DLGAP1: variants seen among roughly 807,000 people sequenced by gnomAD.
DLGAP1 encodes the protein DLG associated protein 1.
Under a neutral mutation model 90.8 loss-of-function variants are expected in DLGAP1, and 11 were observed. The observed-to-expected ratio is 0.12, with a 90% CI of 0.08 to 0.20. The LOEUF (loss-of-function observed/expected upper bound fraction) is 0.20. DLGAP1 is among the 10% of genes least tolerant of loss of function. The probability of loss-of-function intolerance (pLI) is 1.00; values close to 1 mark genes in which losing one functional copy is unlikely to be tolerated. For synonymous variants in DLGAP1, 558 were observed against 540.7 expected (o/e 1.03, Z -0.44); for missense variants, 1,050 against 1,333.8 (o/e 0.79, Z 3.31).
At chr18:3,704,565 A>G (rs371716093) in intron 7 of DLGAP1, among the ~76,000 whole-genome samples, 3 of 151,944 alleles carry the variant, frequency 2.0e-5, no homozygotes, top group South Asian at 4.2e-4. Context: ...TGACACAGCG[A>G]GACTCCATCT....
chr18:4,110,940 T>C lies in DLGAP1; in HGVS notation c.-159+40240A>G, dbSNP rs186515007. Among the ~76,000 whole-genome samples, 296 of 152,284 alleles carry C rather than the reference T, an allele frequency of 1.9e-3. 1 individual carries two copies. The highest frequency in any genetic ancestry group is 3.1e-3 in the Non-Finnish European group (209 of 68,026). On this transcript the variant is annotated intron_variant, in intron 2 of 12. Coordinates refer to ENST00000315677, the MANE Select transcript of DLGAP1 (RefSeq NM_004746.4). Reference sequence around the variant, plus strand: ...GCTCCCTGTCCCAGGCGGGCTCTTCTTCCAAAAGTCCTATCGACTTACAAA... The same window carrying C: ...GCTCCCTGTCCCAGGCGGGCTCTTCCTCCAAAAGTCCTATCGACTTACAAA...
At chr18:4,196,425 G>A (rs2077499054) in intron 1 of DLGAP1, among the ~76,000 whole-genome samples, 1 of 152,200 alleles carries the variant, frequency 6.6e-6, no homozygotes. Flanking sequence ...TATTTGCAAA[G>A]TTTCACACAG....
intron 7 of DLGAP1, among the ~76,000 whole-genome samples, chr18:3,685,225 G>A (rs940456843): frequency 1.3e-5 from 2 of 152,128 alleles, no homozygotes; most frequent in Non-Finnish European, 2.9e-5. Context: ...GCACGACATG[G>A]AGCAAGGTGT....
At chr18:4,050,420 A>G (rs1358301583) in intron 2 of DLGAP1, among the ~76,000 whole-genome samples, 1 of 152,250 alleles carries the variant, frequency 6.6e-6, no homozygotes, top group Non-Finnish European at 1.5e-5. Context: ...CCTGTGAGGT[A>G]TATGCAGGAT....
intron 5 of DLGAP1, among the ~76,000 whole-genome samples, chr18:3,805,490 T>C (rs1336550599): frequency 6.6e-6 from 1 of 152,202 alleles, no homozygotes. Context: ...TGAAAAATAG[T>C]AAAGCTGGAA....
chr18:4,161,100 G>A (rs60297914), intron 1 of DLGAP1, among the ~76,000 whole-genome samples: 4 of 150,192 alleles, frequency 2.7e-5, no homozygotes, highest in South Asian at 2.1e-4. Flanking sequence ...TTTAAGTTCC[G>A]GGGTACATGT....
chr18:3,536,443 C>T (rs1568152619), intron 9 of DLGAP1, among the ~76,000 whole-genome samples: 2 of 151,972 alleles, frequency 1.3e-5, no homozygotes, highest in South Asian at 2.1e-4. Flanking sequence ...AGGCTGGTCT[C>T]GAACTCCTGA....
At chr18:4,366,981 C>A (rs2081785177) in intron 1 of DLGAP1, among the ~76,000 whole-genome samples, 1 of 112,778 alleles carries the variant, frequency 8.9e-6, no homozygotes, top group Non-Finnish European at 1.7e-5. Context: ...ATGTAAAAAT[C>A]CAGTATACGG....
At chr18:3,933,831 C>T (rs1599180177) in intron 3 of DLGAP1, among the ~76,000 whole-genome samples, 1 of 152,136 alleles carries the variant, frequency 6.6e-6, no homozygotes, top group African/African-American at 2.4e-5. Flanking sequence ...CAATGTTTTC[C>T]AGTAGCCATA....
rs184036821 is a variant in DLGAP1, at chr18:4,415,351, T to C, written c.-267+39655A>G. Among the ~76,000 whole-genome samples, 199 of 152,320 alleles carry C rather than the reference T, an allele frequency of 1.3e-3. 1 individual carries two copies. Among genetic ancestry groups the C allele is most frequent in the African/African-American group, 4.6e-3 (191 of 41,588 alleles). On this transcript the variant is annotated intron_variant, in intron 1 of 12. Transcript: ENST00000315677. ...TGATTTGGCACATGTGATATGACAA[T>C]GTTTATAAAATAAAAGCTACAAAAA...
intron 3 of DLGAP1, among the ~76,000 whole-genome samples, chr18:3,902,650 T>A (rs939914324): frequency 6.6e-6 from 1 of 152,232 alleles, no homozygotes; most frequent in Non-Finnish European, 1.5e-5. Flanking sequence ...TGCATTAGCA[T>A]GACCTACTCA....
chr18:4,222,257 T>A (rs2078092497), intron 1 of DLGAP1, among the ~76,000 whole-genome samples: 1 of 152,210 alleles, frequency 6.6e-6, no homozygotes. Context: ...ATATTCAATA[T>A]GCCCCAAACA....
chr18:4,019,826 CACAT>C (rs200544295), intron 2 of DLGAP1, among the ~76,000 whole-genome samples: 95 of 138,626 alleles, frequency 6.9e-4, no homozygotes, highest in Middle Eastern at 3.7e-3. Flanking sequence ...CACACACACA[CACAT>C]ACACACGCAC....
At chr18:3,635,054 G>A (rs76225526) in intron 7 of DLGAP1, among the ~76,000 whole-genome samples, 1 of 151,900 alleles carries the variant, frequency 6.6e-6, no homozygotes, top group Non-Finnish European at 1.5e-5. Flanking sequence ...GAAGATACAT[G>A]AAATGTCCAG....
intron 4 of DLGAP1, among the ~76,000 whole-genome samples, chr18:3,823,156 T>G (rs775118514): frequency 6.6e-6 from 1 of 152,236 alleles, no homozygotes; most frequent in Non-Finnish European, 1.5e-5. Flanking sequence ...TCGAGGTCCA[T>G]GTATTTCAGG....
At chr18:4,119,534 T>A (rs1004071834) in intron 2 of DLGAP1, among the ~76,000 whole-genome samples, 10 of 152,206 alleles carry the variant, frequency 6.6e-5, no homozygotes, top group African/African-American at 2.4e-4. Flanking sequence ...TAATAGCACT[T>A]TGTCCTCATT....
chr18:3,622,341 G>A (rs931908769), intron 7 of DLGAP1, among the ~76,000 whole-genome samples: 1 of 152,054 alleles, frequency 6.6e-6, no homozygotes, highest in African/African-American at 2.4e-5. Flanking sequence ...TCCTGACCTC[G>A]TGATCTGCCT....
chr18:3,949,051 G>A (rs1312085597), intron 3 of DLGAP1, among the ~76,000 whole-genome samples: 2 of 152,076 alleles, frequency 1.3e-5, no homozygotes, highest in African/African-American at 2.4e-5. Flanking sequence ...AGGCTTTCAG[G>A]AAGAATATTG....
chr18:4,116,992 T>G (rs557042154), intron 2 of DLGAP1, among the ~76,000 whole-genome samples: 5 of 152,172 alleles, frequency 3.3e-5, no homozygotes, highest in Admixed American at 1.3e-4. Flanking sequence ...GTGACTGTAT[T>G]TGGAGACAGG....
Sources: gnomAD v4.1 joint callset for allele counts (sites outside exome capture counted in the v4.1 genomes callset) on GRCh38, gnomAD v4.1.1 for gene constraint, MANE v1.5 for transcripts, NCBI Gene and HGNC (gene_info 2026-07-23, HGNC 2026-07-21) for gene names.